Variants in DPP6 observed in about 807,000 individuals in gnomAD.
The protein encoded by DPP6 is A-type potassium channel modulatory protein DPP6.
DPP6 carries 69 observed loss-of-function variants against 122.6 expected under a neutral mutation model. That is an observed-to-expected ratio of 0.56 (90% CI 0.46 to 0.69). The LOEUF is 0.69. Among genes scored for constraint, DPP6 ranks in the 30% least tolerant of loss-of-function variants. The pLI, the probability that DPP6 is intolerant of heterozygous loss-of-function variation, is 0.00. For synonymous variants in DPP6, 418 were observed against 433.1 expected, an observed-to-expected ratio of 0.97 and a Z score of 0.43; for missense variants, 928 against 1,116.9, an observed-to-expected ratio of 0.83 and a Z score of 2.41.
the DPP6 span, among the ~76,000 whole-genome samples, chr7:153,799,066 G>A: frequency 5.0e-3 from 761 of 152,316 alleles, 4 homozygotes; most frequent in African/African-American, 0.017. Context: ...TCTAGGAGGT[G>A]TGCGGCCCTA....
the DPP6 span, among the ~76,000 whole-genome samples, chr7:153,765,163 C>T: frequency 2.6e-5 from 4 of 151,860 alleles, no homozygotes; most frequent in African/African-American, 4.8e-5. Flanking sequence ...CAATTTCATA[C>T]CCTTTATTAT....
chr7:154,078,140 A>T (rs1803704330), intron 1 of DPP6, among the ~76,000 whole-genome samples: 1 of 151,998 alleles, frequency 6.6e-6, no homozygotes, highest in Non-Finnish European at 1.5e-5. Context: ...TTTATATATC[A>T]TCTCTTTCAT....
At chr7:153,863,496 G>A in the DPP6 span, among the ~76,000 whole-genome samples, 1 of 151,856 alleles carries the variant, frequency 6.6e-6, no homozygotes, top group East Asian at 1.9e-4. Flanking sequence ...CTGAGGTATA[G>A]TTTTCATAGC....
At chr7:154,795,456 A>T (rs376622583) in intron 11 of DPP6, among the ~76,000 whole-genome samples, 19 of 152,212 alleles carry the variant, frequency 1.2e-4, no homozygotes, top group African/African-American at 4.6e-4. Flanking sequence ...GGATCTGGAC[A>T]CAATGTCCAA....
chr7:154,142,870 C>T (rs1795915061), intron 1 of DPP6, among the ~76,000 whole-genome samples: 1 of 139,970 alleles, frequency 7.1e-6, no homozygotes, highest in Non-Finnish European at 1.5e-5. Context: ...GATCTGCTCT[C>T]GGCATGGTAG....
intron 5 of DPP6, among the ~76,000 whole-genome samples, chr7:154,625,188 G>T (rs1834986199): frequency 6.6e-6 from 1 of 152,202 alleles, no homozygotes; most frequent in African/African-American, 2.4e-5. Context: ...TGACATCCAA[G>T]TGGGCATGGT....
At chr7:153,909,106 C>A (rs1799967883) in intron 1 of DPP6, among the ~76,000 whole-genome samples, 2 of 152,180 alleles carry the variant, frequency 1.3e-5, no homozygotes, top group African/African-American at 2.4e-5. Context: ...TCAAGAAATA[C>A]ATTCCTTCTA....
At chr7:154,053,751 C>T (rs546917532) in intron 1 of DPP6, among the ~76,000 whole-genome samples, 98 of 152,136 alleles carry the variant, frequency 6.4e-4, no homozygotes, top group African/African-American at 2.3e-3. Flanking sequence ...CCTGGACTAG[C>T]ACCTCTGCCT....
chr7:154,542,800 A>C (rs2130278654), intron 4 of DPP6, among the ~76,000 whole-genome samples: 1 of 152,348 alleles, frequency 6.6e-6, no homozygotes, highest in Non-Finnish European at 1.5e-5. Context: ...AAGAAGACAA[A>C]AAATGTCATT....
At chr7:154,820,234 G>A (rs1799672506) in intron 16 of DPP6, among the ~76,000 whole-genome samples, 1 of 152,200 alleles carries the variant, frequency 6.6e-6, no homozygotes, top group South Asian at 2.1e-4. Flanking sequence ...CTCAGACCGA[G>A]CGCCTGGGAA....
chr7:154,690,227 A>G (rs1448850521), intron 7 of DPP6, among the ~76,000 whole-genome samples: 1 of 152,218 alleles, frequency 6.6e-6, no homozygotes, highest in Non-Finnish European at 1.5e-5. Context: ...TCAGATTCCC[A>G]GGTTGTTATC....
chr7:154,887,846 C>G, intron 23 of DPP6, 112 bp downstream of exon 23: 1 of 1,246,078 alleles, frequency 8.0e-7, no homozygotes, highest in Non-Finnish European at 1.2e-6. Context: ...CCATGCTTCT[C>G]CCTCACCAGC....
chr7:153,987,366 T>C (rs966564434), intron 1 of DPP6, among the ~76,000 whole-genome samples: 1 of 152,240 alleles, frequency 6.6e-6, no homozygotes, highest in Non-Finnish European at 1.5e-5. Context: ...CCTTGTGAAC[T>C]GAACAGGCTT....
At chr7:154,307,390 C>G (rs560083161) in intron 1 of DPP6, among the ~76,000 whole-genome samples, 20 of 152,296 alleles carry the variant, frequency 1.3e-4, no homozygotes, top group African/African-American at 4.8e-4. Flanking sequence ...GTGGGACACC[C>G]AGAAGAAGCA....
At chr7:154,655,674 C>T (rs1410169797) in intron 6 of DPP6, among the ~76,000 whole-genome samples, 1 of 152,176 alleles carries the variant, frequency 6.6e-6, no homozygotes, top group Non-Finnish European at 1.5e-5. Flanking sequence ...TCATTTGATG[C>T]GAGGAATTGG....
the DPP6 span, among the ~76,000 whole-genome samples, chr7:153,774,150 A>T: frequency 1.3e-5 from 2 of 152,294 alleles, 1 homozygote; most frequent in South Asian, 4.1e-4. Flanking sequence ...AATTTAGTAA[A>T]GGCTTACTGG....
chr7:154,418,490 A>G (rs930802572), intron 1 of DPP6, among the ~76,000 whole-genome samples: 1 of 152,202 alleles, frequency 6.6e-6, no homozygotes, highest in African/African-American at 2.4e-5. Context: ...GTGCGAAAGG[A>G]AAGTGTGAAA....
the DPP6 span, among the ~76,000 whole-genome samples, chr7:153,808,286 CCTGTGTGTGT>C: frequency 7.1e-6 from 1 of 140,068 alleles, no homozygotes; most frequent in Non-Finnish European, 1.5e-5. Flanking sequence ...CACGTGTGTG[CCTGTGTGTGT>C]GTCTGCGCAC....
intron 1 of DPP6, among the ~76,000 whole-genome samples, chr7:154,246,499 C>T (rs971580732): frequency 3.9e-5 from 6 of 151,936 alleles, no homozygotes; most frequent in Non-Finnish European, 8.8e-5. Flanking sequence ...ACAAGGTCAA[C>T]GAAAATTCCA....
Sources: allele counts gnomAD v4.1 joint callset (sites outside exome capture counted in the v4.1 genomes callset), GRCh38; gene constraint gnomAD v4.1.1; transcripts MANE v1.5; gene names NCBI Gene and HGNC (gene_info 2026-07-23, HGNC 2026-07-21).